Variants in SMCO4 observed in about 807,000 individuals in gnomAD.
SMCO4 encodes the protein single-pass membrane and coiled-coil domain-containing protein 4.
SMCO4 carries 4 observed loss-of-function variants against 3.6 expected under a neutral mutation model. That is an observed-to-expected ratio of 1.11 (90% CI 0.54 to 2.53). The LOEUF (loss-of-function observed/expected upper bound fraction) is 2.53, where lower values mean the gene tolerates loss of function less well. Ranked by LOEUF, SMCO4 falls within the 30% of genes most tolerant of loss-of-function variation. The probability of loss-of-function intolerance (pLI) is 0.02; values close to 1 mark genes in which losing one functional copy is unlikely to be tolerated. For synonymous variants in SMCO4, 36 were observed against 35.3 expected, an observed-to-expected ratio of 1.02 and a Z score of -0.07; for missense variants, 70 against 80.8, an observed-to-expected ratio of 0.87 and a Z score of 0.51.
chr11:93,498,943 A>T (rs1948806699), intron 2 of SMCO4, among the ~76,000 whole-genome samples: 1 of 152,208 alleles, frequency 6.6e-6, no homozygotes, highest in African/African-American at 2.4e-5. Flanking sequence ...GGAAGTAAGT[A>T]CTATGATGGG....
intron 1 of SMCO4, among the ~76,000 whole-genome samples, chr11:93,502,262 T>C (rs1052889234): frequency 3.9e-5 from 6 of 152,214 alleles, no homozygotes; most frequent in Non-Finnish European, 7.3e-5. Flanking sequence ...AGCAAAACTA[T>C]GCTATTGAAG....
intron 1 of SMCO4, among the ~76,000 whole-genome samples, chr11:93,506,702 A>AC (rs1190699498): frequency 6.6e-6 from 1 of 152,136 alleles, no homozygotes; most frequent in Non-Finnish European, 1.5e-5. Context: ...CGGCCTCCCA[A>AC]AGTGCTGGGA....
At chr11:93,546,653 C>G (rs185387677), upstream of SMCO4, among the ~76,000 whole-genome samples, 1 of 152,280 alleles carries the variant, frequency 6.6e-6, no homozygotes, top group East Asian at 1.9e-4. Context: ...CTGGGATGAC[C>G]AATTCACAGT....
At chr11:93,545,559 G>T (rs187604400), upstream of SMCO4, among the ~76,000 whole-genome samples, 677 of 124,668 alleles carry the variant, frequency 5.4e-3, 4 homozygotes, top group African/African-American at 0.018. Flanking sequence ...CTGCACTCCA[G>T]CCTGGGCAAC....
At chr11:93,542,235 C>G (rs888624114) in intron 1 of SMCO4, among the ~76,000 whole-genome samples, 7 of 152,184 alleles carry the variant, frequency 4.6e-5, no homozygotes, top group African/African-American at 1.7e-4. Context: ...TACGCAGACA[C>G]TAGCAGGCCA....
chr11:93,503,367 A>G (rs1948864119), intron 1 of SMCO4, among the ~76,000 whole-genome samples: 1 of 152,150 alleles, frequency 6.6e-6, no homozygotes, highest in African/African-American at 2.4e-5. Context: ...CAGTATGGGG[A>G]AAACTGCCCC....
chr11:93,545,843 G>A (rs536312889), upstream of SMCO4, among the ~76,000 whole-genome samples: 5 of 152,280 alleles, frequency 3.3e-5, no homozygotes, highest in South Asian at 4.1e-4. Context: ...AGGGGCTTTC[G>A]ATGTGCACTT....
chr11:93,478,555 G>A lies in SMCO4; in HGVS notation c.*455C>T, dbSNP rs1162659569. ...TTCAAATCACATTAAGCACAGAGAAGAAATACAGTCCCTTTGGAGATTGTG... is the reference window on the plus strand; with the variant it reads ...TTCAAATCACATTAAGCACAGAGAAAAAATACAGTCCCTTTGGAGATTGTG... On this transcript the variant is annotated 3_prime_UTR_variant, in exon 3 of 3. Coordinates refer to ENST00000298966, the MANE Select transcript of SMCO4 (RefSeq NM_020179.3). The A allele has an allele frequency of 6.4e-6, 1 of 155,300 alleles. No homozygotes were observed. Among genetic ancestry groups the A allele is most frequent in the African/African-American group, 2.4e-5 (1 of 41,588 alleles). The allele number at this position is 155,300 out of a possible 1,614,324, so 9.6% of individuals were successfully genotyped here.
chr11:93,541,359 A>G (rs1463957787), intron 1 of SMCO4, among the ~76,000 whole-genome samples: 1 of 152,232 alleles, frequency 6.6e-6, no homozygotes, highest in Non-Finnish European at 1.5e-5. Context: ...ATCTGAAAAG[A>G]AATGAGAAGT....
intron 1 of SMCO4, among the ~76,000 whole-genome samples, chr11:93,538,178 C>T (rs1388520864): frequency 6.6e-6 from 1 of 152,206 alleles, no homozygotes; most frequent in African/African-American, 2.4e-5. Flanking sequence ...CTCTGATGCC[C>T]GCTTCCCTGA....
chr11:93,534,375 TAG>T (rs1555079957), intron 1 of SMCO4, among the ~76,000 whole-genome samples: 11 of 142,138 alleles, frequency 7.7e-5, no homozygotes, highest in African/African-American at 1.8e-4. Context: ...TATATATATA[TAG>T]AGAGAGAGAG....
the SMCO4 span, among the ~76,000 whole-genome samples, chr11:93,550,504 T>G: frequency 5.9e-5 from 9 of 151,778 alleles, no homozygotes; most frequent in African/African-American, 2.2e-4. Context: ...TACAAAAAAT[T>G]TTAAAAAATT....
chr11:93,518,048 A>C (rs1949023814), intron 1 of SMCO4, among the ~76,000 whole-genome samples: 1 of 152,212 alleles, frequency 6.6e-6, no homozygotes, highest in Non-Finnish European at 1.5e-5. Context: ...CTAGTTTCAA[A>C]ACATTTTCAT....
intron 1 of SMCO4, among the ~76,000 whole-genome samples, chr11:93,513,701 G>A (rs1006164034): frequency 6.6e-6 from 1 of 152,164 alleles, no homozygotes; most frequent in African/African-American, 2.4e-5. Flanking sequence ...AAGAGGATTT[G>A]GGTGGAGGTG....
At chr11:93,538,074 G>T (rs1949242960) in intron 1 of SMCO4, among the ~76,000 whole-genome samples, 1 of 152,186 alleles carries the variant, frequency 6.6e-6, no homozygotes, top group Non-Finnish European at 1.5e-5. Flanking sequence ...CACTGACTAG[G>T]GGAAAGGGCA....
At chr11:93,550,016 G>A in the SMCO4 span, among the ~76,000 whole-genome samples, 169 of 152,116 alleles carry the variant, frequency 1.1e-3, 1 homozygote, top group African/African-American at 3.6e-3. Flanking sequence ...CTCTGCTTTC[G>A]TTTGAAAAAA....
intron 1 of SMCO4, among the ~76,000 whole-genome samples, chr11:93,504,504 C>T (rs979052856): frequency 6.6e-6 from 1 of 152,222 alleles, no homozygotes; most frequent in Non-Finnish European, 1.5e-5. Flanking sequence ...CATGCCAAAA[C>T]CAAAAGCACC....
At chr11:93,532,983 C>T (rs575176898) in intron 1 of SMCO4, among the ~76,000 whole-genome samples, 5 of 152,282 alleles carry the variant, frequency 3.3e-5, no homozygotes, top group Non-Finnish European at 7.4e-5. Context: ...CAGTGTATTT[C>T]CTGAATGAAT....
At chr11:93,523,690 T>C (rs1447035403) in intron 1 of SMCO4, among the ~76,000 whole-genome samples, 1 of 152,174 alleles carries the variant, frequency 6.6e-6, no homozygotes, top group Non-Finnish European at 1.5e-5. Flanking sequence ...AATTTAGTTT[T>C]TTAAGTCTTT....
Sources: allele counts gnomAD v4.1 joint callset (sites outside exome capture counted in the v4.1 genomes callset), GRCh38; gene constraint gnomAD v4.1.1; transcripts MANE v1.5; gene names NCBI Gene and HGNC (gene_info 2026-07-23, HGNC 2026-07-21).